CATSPERE: variants seen among roughly 807,000 people sequenced by gnomAD.
CATSPERE encodes cation channel sperm-associated auxiliary subunit epsilon.
A neutral mutation model predicts 114.1 loss-of-function variants in CATSPERE; 93 were observed. That is an observed-to-expected ratio of 0.81 (90% CI 0.69 to 0.97). CATSPERE has a LOEUF of 0.97. Among genes scored for constraint, CATSPERE ranks in the 50% least tolerant of loss-of-function variants. CATSPERE has a pLI of 0.00. For missense variants in CATSPERE, 1,058 were observed against 1,131.6 expected (o/e 0.93, Z 0.93); for synonymous variants, 341 against 384.1 (o/e 0.89, Z 1.31).
upstream of CATSPERE, among the ~76,000 whole-genome samples, chr1:244,451,300 C>T (rs1256487053): frequency 6.6e-6 from 1 of 152,168 alleles, no homozygotes; most frequent in Non-Finnish European, 1.5e-5. The surrounding 1 kb of genome is among the most constrained non-coding windows in gnomAD (Gnocchi z 6.6). Flanking sequence ...CGGACCGCAT[C>T]CCACCTCCAC....
At chr1:244,622,336 C>T in intron 20 of CATSPERE, among the ~76,000 whole-genome samples, 1 of 151,604 alleles carries the variant, frequency 6.6e-6, no homozygotes, top group East Asian at 1.9e-4. Flanking sequence ...CCTATGTTCA[C>T]TATGTCTTTA....
At chr1:244,455,336 T>C (rs1468698756) in intron 1 of CATSPERE, among the ~76,000 whole-genome samples, 3 of 152,026 alleles carry the variant, frequency 2.0e-5, no homozygotes, top group African/African-American at 7.2e-5. Flanking sequence ...AGATTCTACA[T>C]CTTGTAGAAA....
At chr1:244,481,655 A>G (rs1008997192) in intron 5 of CATSPERE, among the ~76,000 whole-genome samples, 1 of 152,054 alleles carries the variant, frequency 6.6e-6, no homozygotes, top group South Asian at 2.1e-4. Flanking sequence ...GCTGAAACCT[A>G]ATCCCCGATG....
chr1:244,486,460 T>C (rs145892612), intron 5 of CATSPERE, among the ~76,000 whole-genome samples: 19 of 149,658 alleles, frequency 1.3e-4, no homozygotes, highest in Non-Finnish European at 2.7e-4. Context: ...CAGACCCTTG[T>C]AGTCACCTGG....
chr1:244,508,746 C>G (rs1489729036), intron 7 of CATSPERE, among the ~76,000 whole-genome samples: 1 of 149,068 alleles, frequency 6.7e-6, no homozygotes, highest in African/African-American at 2.5e-5. Context: ...TACCTGTAAT[C>G]CCAGCACTTT....
chr1:244,513,185 C>T (rs1360769166), intron 7 of CATSPERE, among the ~76,000 whole-genome samples: 1 of 152,146 alleles, frequency 6.6e-6, no homozygotes, highest in African/African-American at 2.4e-5. Context: ...AACCCTTCAG[C>T]CCCCTTGCAG....
chr1:244,524,357 A>T (rs1322465263), intron 8 of CATSPERE, among the ~76,000 whole-genome samples: 2 of 150,998 alleles, frequency 1.3e-5, no homozygotes, highest in Non-Finnish European at 2.9e-5. Flanking sequence ...TTAAAGACTT[A>T]AACATTAGAC....
intron 8 of CATSPERE, among the ~76,000 whole-genome samples, chr1:244,522,203 A>G (rs937043386): frequency 6.6e-6 from 1 of 152,184 alleles, no homozygotes; most frequent in African/African-American, 2.4e-5. Flanking sequence ...GCTCAACTAC[A>G]TGGAAACTGA....
At chr1:244,459,827 T>C (rs1666500047), upstream of CATSPERE, among the ~76,000 whole-genome samples, 1 of 152,212 alleles carries the variant, frequency 6.6e-6, no homozygotes, top group South Asian at 2.1e-4. Flanking sequence ...ACTAATGTGT[T>C]TGCCATGCAA....
intron 17 of CATSPERE, among the ~76,000 whole-genome samples, chr1:244,602,434 C>A (rs1222568153): frequency 3.9e-5 from 6 of 152,246 alleles, no homozygotes; most frequent in African/African-American, 1.4e-4. Context: ...GGGAAATTAG[C>A]CCATAGTCTA....
At position 244,570,303 on chromosome 1, in the gene CATSPERE, C is replaced by T. The variant is rs528394873; in HGVS notation, c.1508-2027C>T. Among the ~76,000 whole-genome samples, 10 of 152,026 alleles carry T rather than the reference C, an allele frequency of 6.6e-5. No homozygotes were observed. The East Asian group carries it at 1.7e-3, about 26-fold the overall frequency. ...TTCCTCATTTATAATATTGCTTGTG[C>T]CTAACCCCCTTGTTAGTTTGGCTTG... On this transcript the variant is annotated intron_variant, in intron 10 of 21. Transcript: ENST00000366534.
At chr1:244,481,987 A>C (rs1476222531) in intron 5 of CATSPERE, among the ~76,000 whole-genome samples, 2 of 152,218 alleles carry the variant, frequency 1.3e-5, no homozygotes, top group African/African-American at 4.8e-5. Flanking sequence ...CTAGGGCTGA[A>C]AGAAGTGGGC....
upstream of CATSPERE, among the ~76,000 whole-genome samples, chr1:244,452,293 T>C (rs564510210): frequency 6.6e-6 from 1 of 152,274 alleles, no homozygotes; most frequent in Non-Finnish European, 1.5e-5. Flanking sequence ...CGCTCTGGGC[T>C]GCGGCGGTGT....
intron 7 of CATSPERE, among the ~76,000 whole-genome samples, chr1:244,505,343 A>C (rs1326226734): frequency 1.3e-5 from 2 of 152,172 alleles, no homozygotes; most frequent in Non-Finnish European, 2.9e-5. Flanking sequence ...TTAGACATCA[A>C]GATCGGGGTA....
intron 2 of CATSPERE, among the ~76,000 whole-genome samples, chr1:244,466,566 C>T (rs1667632421): frequency 6.6e-6 from 1 of 152,130 alleles, no homozygotes. Context: ...GTCATATTAT[C>T]CCTGTCTTTA....
Position 244,560,979 on chromosome 1 carries a change from G to A in CATSPERE, c.1341G>A (p.Met447Ile), listed in dbSNP as rs781526947. The change falls in exon 10 of 22, where the codon ATG becomes ATA. Residue 447 changes from methionine to isoleucine, a missense_variant. Transcript: ENST00000366534. ...TLDAPIDSVT[M>I]PHFTFSALPG... ...ATGCCCCTATTGACAGTGTTACCAT[G>A]CCACATTTTACATTTTCAGCACTGC... is the stretch of plus-strand genomic sequence containing the variant. 1 of 1,613,968 alleles carries A rather than the reference G, an allele frequency of 6.2e-7. No homozygotes were observed. The highest frequency in any genetic ancestry group is 2.2e-5 in the East Asian group (1 of 44,892).
intron 20 of CATSPERE, among the ~76,000 whole-genome samples, chr1:244,629,262 C>T (rs1673600531): frequency 6.6e-6 from 1 of 152,180 alleles, no homozygotes; most frequent in Admixed American, 6.5e-5. Flanking sequence ...GTTTGCATCA[C>T]CTGGACCATC....
intron 14 of CATSPERE, among the ~76,000 whole-genome samples, chr1:244,591,012 C>T (rs1004467184): frequency 2.2e-4 from 33 of 152,156 alleles, no homozygotes; most frequent in African/African-American, 6.3e-4. Context: ...AAGGAACCTC[C>T]GAGCTGTTTT....
At chr1:244,564,786 T>G (rs563840197) in intron 10 of CATSPERE, among the ~76,000 whole-genome samples, 5 of 152,232 alleles carry the variant, frequency 3.3e-5, no homozygotes, top group Non-Finnish European at 7.3e-5. Flanking sequence ...AATACTATGT[T>G]GAATAGGAGT....
Sources: gnomAD v4.1 joint callset for allele counts (sites outside exome capture counted in the v4.1 genomes callset) on GRCh38, gnomAD v4.1.1 for gene constraint, Gnocchi (gnomAD v3.1) non-coding constraint, MANE v1.5 for transcripts, NCBI Gene and HGNC (gene_info 2026-07-23, HGNC 2026-07-21) for gene names.